Variants in VTA1 observed in about 807,000 individuals in gnomAD.
VTA1 encodes vacuolar protein sorting-associated protein VTA1 homolog.
Under a neutral mutation model 36.9 loss-of-function variants are expected in VTA1, and 24 were observed. That is an observed-to-expected ratio of 0.65 (90% CI 0.47 to 0.91). VTA1 has a LOEUF of 0.91. Among genes scored for constraint, VTA1 ranks in the 40% least tolerant of loss-of-function variants. The pLI is 0.00. For missense variants in VTA1, 393 were observed against 377.2 expected, an observed-to-expected ratio of 1.04 and a Z score of -0.35; for synonymous variants, 142 against 130.2, an observed-to-expected ratio of 1.09 and a Z score of -0.62.
At chr6:142,208,598 T>A (rs910546471) in intron 7 of VTA1, among the ~76,000 whole-genome samples, 2 of 152,114 alleles carry the variant, frequency 1.3e-5, no homozygotes, top group Non-Finnish European at 2.9e-5. Context: ...ACCGAACAGA[T>A]TCAACCCCCA....
chr6:142,182,566 A>G (rs940100174), intron 4 of VTA1, among the ~76,000 whole-genome samples: 1 of 10,128 alleles, frequency 9.9e-5, no homozygotes, highest in Non-Finnish European at 1.4e-4. Flanking sequence ...AGAGCTGACA[A>G]AATTTTAACA....
At chr6:142,165,245 T>G (rs960709314) in intron 1 of VTA1, among the ~76,000 whole-genome samples, 1 of 152,140 alleles carries the variant, frequency 6.6e-6, no homozygotes, top group African/African-American at 2.4e-5. Context: ...GCAAAATGAG[T>G]GCTTGTATAT....
chr6:142,203,925 C>T, intron 6 of VTA1, 60 bp from the exon 7 acceptor site: 1 of 1,387,594 alleles, frequency 7.2e-7, no homozygotes, highest in Non-Finnish European at 1.0e-6. Context: ...AAGTGCTGCC[C>T]TGCTGTATAA....
intron 4 of VTA1, among the ~76,000 whole-genome samples, chr6:142,182,601 T>TA (rs1451191354): frequency 3.3e-5 from 5 of 152,080 alleles, no homozygotes; most frequent in African/African-American, 1.2e-4. Flanking sequence ...GTGTAAAAGA[T>TA]ACAGAGAACT....
intron 4 of VTA1, among the ~76,000 whole-genome samples, chr6:142,181,116 T>TATAC (rs753996612): frequency 0.014 from 1,184 of 86,956 alleles, 46 homozygotes; most frequent in East Asian, 0.11. Flanking sequence ...TATATATATA[T>TATAC]ACACACACAC....
chr6:142,170,977 G>A (rs1392377662), intron 4 of VTA1, among the ~76,000 whole-genome samples: 2 of 152,128 alleles, frequency 1.3e-5, no homozygotes, highest in African/African-American at 4.8e-5. Context: ...CAGCATATGT[G>A]TGACTACTGT....
intron 4 of VTA1, 133 bp from the exon 5 acceptor site, chr6:142,189,293 T>G (rs1457588436): frequency 1.6e-6 from 1 of 623,648 alleles, no homozygotes; most frequent in African/African-American, 1.9e-5. Flanking sequence ...GGGTGGGGTA[T>G]TGCCAGTTTC....
chr6:142,190,101 A>G (rs1314371278), intron 5 of VTA1, among the ~76,000 whole-genome samples: 3 of 152,200 alleles, frequency 2.0e-5, no homozygotes, highest in Non-Finnish European at 4.4e-5. Context: ...AGGAAAGGCA[A>G]TCCATTTATA....
rs185107283 is a variant in VTA1 at position 142,196,673 on chromosome 6, A to G, written c.521-1766A>G. Among the ~76,000 whole-genome samples, 22 of 151,910 alleles carry G rather than the reference A, an allele frequency of 1.4e-4. No individual in the cohort carries two copies. In the East Asian group the frequency reaches 4.3e-3, roughly 29 times the overall value. On this transcript the variant is annotated intron_variant, in intron 5 of 7. Coordinates refer to ENST00000367630, the MANE Select transcript of VTA1 (RefSeq NM_016485.5). The stretch of plus-strand genomic sequence containing the variant: ...TGAACAAATTTATTGTAGCTGCTTT[A>G]AAGTGCTTTTTTGCTGATTTTCAAT...
In VTA1 at chr6:142,220,413, A is replaced by G. The variant is rs1776086295; in HGVS notation, c.*1770A>G. On this transcript the variant is annotated 3_prime_UTR_variant, in exon 8 of 8. Transcript: ENST00000367630. ...GAGAGCACATAGAGGGAAGGAGACA[A>G]TATAGAAACTACGGAGTCCGCTGGT... 6.6e-6 allele frequency: 1 copy of G among 152,142 alleles called. No individual in the cohort carries two copies. Among genetic ancestry groups the G allele is most frequent in the African/African-American group, 2.4e-5 (1 of 41,442 alleles). 9.4% of individuals were successfully genotyped at this position (152,142 alleles called of 1,614,324 possible). A position where few individuals can be genotyped will look rare whatever the true frequency, so the allele number is the denominator to read the frequency against.
At chr6:142,176,272 G>A (rs934520088) in intron 4 of VTA1, among the ~76,000 whole-genome samples, 1 of 152,126 alleles carries the variant, frequency 6.6e-6, no homozygotes, top group Non-Finnish European at 1.5e-5. Flanking sequence ...AAAATTACAG[G>A]TGAAAGATAA....
intron 1 of VTA1, among the ~76,000 whole-genome samples, chr6:142,150,487 G>A (rs1436361143): frequency 2.6e-5 from 4 of 152,102 alleles, no homozygotes; most frequent in African/African-American, 9.7e-5. Flanking sequence ...CCACTTTAAT[G>A]AAGAACGGCA....
At chr6:142,155,604 A>AT (rs1778648533) in intron 1 of VTA1, among the ~76,000 whole-genome samples, 3 of 152,094 alleles carry the variant, frequency 2.0e-5, no homozygotes, top group African/African-American at 7.2e-5. Context: ...ACCCCTCATG[A>AT]TTTGAGTTCT....
chr6:142,218,516 C>G lies in VTA1; in HGVS notation c.797C>G (p.Pro266Arg). ...CTTCTAGGGGATGTTCGTCTAACCC[C>G]AGAAGACTTTGCTAGAGCTCAGAAG... ...TISQGDVRLT[P>R]EDFARAQKYC... is the part of the protein sequence containing the mutation. Residue 266 changes from proline to arginine, a missense_variant, in exon 8 of 8, where the codon CCA (proline) becomes CGA (arginine). Coordinates refer to ENST00000367630, the MANE Select transcript of VTA1 (RefSeq NM_016485.5). 6.2e-7 allele frequency: 1 copy of G among 1,613,322 alleles called. No individual in the cohort carries two copies. The highest frequency in any genetic ancestry group is 8.5e-7 in the Non-Finnish European group (1 of 1,179,622).
At chr6:142,198,073 G>A (rs1775591832) in intron 5 of VTA1, among the ~76,000 whole-genome samples, 1 of 149,278 alleles carries the variant, frequency 6.7e-6, no homozygotes, top group South Asian at 2.1e-4. Flanking sequence ...CTCCAGCCTG[G>A]GCAGCAGAGT....
chr6:142,203,305 C>G (rs574801756), intron 6 of VTA1, among the ~76,000 whole-genome samples: 14 of 152,172 alleles, frequency 9.2e-5, no homozygotes, highest in African/African-American at 3.4e-4. Context: ...CTGTTTAACT[C>G]CATTGATTTG....
At chr6:142,197,918 C>CA (rs1379077511) in intron 5 of VTA1, among the ~76,000 whole-genome samples, 5,576 of 91,548 alleles carry the variant, frequency 0.061, 132 homozygotes, top group African/African-American at 0.096. Context: ...ACTAAAAATA[C>CA]AAAAAAAAAA....
intron 7 of VTA1, among the ~76,000 whole-genome samples, chr6:142,209,680 C>G (rs892084717): frequency 2.0e-5 from 3 of 150,386 alleles, no homozygotes; most frequent in African/African-American, 7.3e-5. Flanking sequence ...TTATTAATAA[C>G]TAACTATAAT....
Position 142,152,934 on chromosome 6 carries a change from A to G in VTA1, c.112+5535A>G, listed in dbSNP as rs1401717783. 2.0e-5 allele frequency among the ~76,000 whole-genome samples: 3 copies of G among 152,084 alleles called. No homozygotes were observed. In the East Asian group the frequency reaches 5.8e-4, roughly 29 times the overall value. ...TACCCTCTGCCAGGAATCCTTCTGC[A>G]TTCCTATTAATTTGACTAACTTACT... On this transcript the variant is annotated intron_variant, in intron 1 of 7. Transcript: ENST00000367630.
Sources: allele counts gnomAD v4.1 joint callset (sites outside exome capture counted in the v4.1 genomes callset), GRCh38; gene constraint gnomAD v4.1.1; transcripts MANE v1.5; gene names NCBI Gene and HGNC (gene_info 2026-07-23, HGNC 2026-07-21).